WDR70: variants seen among roughly 807,000 people sequenced by gnomAD.
WDR70 encodes the protein WD repeat domain 70, also known as WD repeat-containing protein 70.
In WDR70, 53 loss-of-function variants were observed where a neutral mutation model predicts 88.6. The observed-to-expected ratio is 0.60, with a 90% CI of 0.48 to 0.75. The LOEUF is 0.75. Ranked by LOEUF, WDR70 falls within the 30% of genes least tolerant of loss-of-function variation. WDR70 has a pLI of 0.00. For missense variants in WDR70, 610 were observed against 823.2 expected, an observed-to-expected ratio of 0.74 and a Z score of 3.17; for synonymous variants, 280 against 270.0, an observed-to-expected ratio of 1.04 and a Z score of -0.36.
chr5:37,539,450 G>A (rs761397114), intron 9 of WDR70, among the ~76,000 whole-genome samples: 1 of 152,174 alleles, frequency 6.6e-6, no homozygotes, highest in Non-Finnish European at 1.5e-5. Flanking sequence ...GTGAGAAAGT[G>A]CCCATCTATC....
rs1218530013 is a variant in WDR70, at chr5:37,634,321, G to GA, written c.1092+29094dup. On this transcript the variant is annotated intron_variant, in intron 10 of 17. Transcript: ENST00000265107. Reference sequence around the variant, plus strand: ...CTCAAAAAAAAAAAAAGAAAAAAAAGAAAAAAAAAAACCTAGTGCATATTT... The same window carrying GA: ...CTCAAAAAAAAAAAAAGAAAAAAAAGAAAAAAAAAAAACCTAGTGCATATTT... 7.6e-3 allele frequency among the ~76,000 whole-genome samples: 1,061 copies of GA among 138,848 alleles called. 13 individuals carry two copies. The highest frequency in any genetic ancestry group is 0.025 in the African/African-American group (961 of 38,064). The allele number at this position is 138,848 out of a possible 152,430, so 91.1% of individuals were successfully genotyped here. A position where few individuals can be genotyped will look rare whatever the true frequency, so the allele number is the denominator to read the frequency against.
At chr5:37,492,378 A>G (rs1740093436) in intron 8 of WDR70, among the ~76,000 whole-genome samples, 2 of 152,310 alleles carry the variant, frequency 1.3e-5, no homozygotes, top group East Asian at 3.9e-4. Flanking sequence ...TGCTACACCC[A>G]AAGCTCTTGT....
chr5:37,627,621 G>A (rs1442893698), intron 10 of WDR70, among the ~76,000 whole-genome samples: 4 of 151,826 alleles, frequency 2.6e-5, no homozygotes, highest in Non-Finnish European at 4.4e-5. Context: ...TTGGTACATC[G>A]TGTTTCTATT....
At chr5:37,599,103 G>A (rs1287988819) in intron 9 of WDR70, among the ~76,000 whole-genome samples, 3 of 152,182 alleles carry the variant, frequency 2.0e-5, no homozygotes, top group Non-Finnish European at 4.4e-5. Flanking sequence ...AGCAACTTGA[G>A]TGATATAAAA....
At chr5:37,464,105 T>A (rs1021389169) in intron 7 of WDR70, among the ~76,000 whole-genome samples, 1 of 152,232 alleles carries the variant, frequency 6.6e-6, no homozygotes, top group Non-Finnish European at 1.5e-5. Flanking sequence ...TCTTAAACTT[T>A]TATATTTTTT....
At chr5:37,651,002 G>A (rs1745393941) in intron 10 of WDR70, among the ~76,000 whole-genome samples, 6 of 147,422 alleles carry the variant, frequency 4.1e-5, no homozygotes. Context: ...TGGGATACAT[G>A]TGCAGAATGT....
intron 9 of WDR70, among the ~76,000 whole-genome samples, chr5:37,526,587 C>G (rs1461390337): frequency 2.0e-5 from 3 of 152,290 alleles, no homozygotes; most frequent in Non-Finnish European, 2.9e-5. Flanking sequence ...CAGGGATGCC[C>G]TCTCTCACCA....
chr5:37,608,080 C>T (rs570571185), intron 10 of WDR70, among the ~76,000 whole-genome samples: 14 of 136,298 alleles, frequency 1.0e-4, no homozygotes, highest in African/African-American at 2.5e-4. Context: ...CTTGCTCTGT[C>T]GCCCAGGCTG....
chr5:37,732,295 TTACTTAGTA>T (rs2112715632), intron 17 of WDR70, among the ~76,000 whole-genome samples: 1 of 152,256 alleles, frequency 6.6e-6, no homozygotes, highest in South Asian at 2.1e-4. Flanking sequence ...GTTTTGTTTT[TTACTTAGTA>T]TACATTGGAA....
chr5:37,745,050 G>C (rs1713561622), intron 17 of WDR70, among the ~76,000 whole-genome samples: 1 of 152,146 alleles, frequency 6.6e-6, no homozygotes, highest in African/African-American at 2.4e-5. Context: ...ACAAAGGGAA[G>C]CCCATCAGAC....
intron 10 of WDR70, among the ~76,000 whole-genome samples, chr5:37,673,289 A>G (rs1023178212): frequency 9.2e-5 from 14 of 152,068 alleles, no homozygotes; most frequent in Non-Finnish European, 2.1e-4. Context: ...CAGTTTCTTT[A>G]TCCAGTCTAC....
intron 17 of WDR70, among the ~76,000 whole-genome samples, chr5:37,732,130 C>G (rs1748162053): frequency 6.6e-6 from 1 of 152,148 alleles, no homozygotes; most frequent in Non-Finnish European, 1.5e-5. Flanking sequence ...TTGAAAGCCT[C>G]TCTTTCACTT....
At chr5:37,413,406 A>G (rs1749584327) in intron 5 of WDR70, among the ~76,000 whole-genome samples, 1 of 152,188 alleles carries the variant, frequency 6.6e-6, no homozygotes, top group Non-Finnish European at 1.5e-5. Flanking sequence ...TTAAAATTTT[A>G]TCTTAAGCTT....
At chr5:37,673,727 C>T (rs1435044643) in intron 10 of WDR70, among the ~76,000 whole-genome samples, 1 of 151,928 alleles carries the variant, frequency 6.6e-6, no homozygotes, top group South Asian at 2.1e-4. Flanking sequence ...GATACTAAGT[C>T]CAGTGTTCAT....
intron 10 of WDR70, among the ~76,000 whole-genome samples, chr5:37,624,808 G>A (rs1278987084): frequency 6.6e-6 from 1 of 152,128 alleles, no homozygotes; most frequent in African/African-American, 2.4e-5. Context: ...GGAAACTCAG[G>A]AGGGTCATCT....
intron 10 of WDR70, among the ~76,000 whole-genome samples, chr5:37,688,389 T>C (rs1733343249): frequency 6.6e-6 from 1 of 152,200 alleles, no homozygotes; most frequent in Non-Finnish European, 1.5e-5. Context: ...ACTCATGAAA[T>C]GATAGGTCTT....
At chr5:37,482,457 A>G (rs540490942) in intron 8 of WDR70, among the ~76,000 whole-genome samples, 3 of 152,090 alleles carry the variant, frequency 2.0e-5, no homozygotes, top group African/African-American at 4.8e-5. Context: ...GTGCAGGGGA[A>G]CTCCCATTTA....
chr5:37,600,352 C>T (rs1384579499), intron 9 of WDR70, among the ~76,000 whole-genome samples: 1 of 151,718 alleles, frequency 6.6e-6, no homozygotes, highest in Non-Finnish European at 1.5e-5. Flanking sequence ...ACGGTGAAAC[C>T]CCATCTCTAC....
intron 9 of WDR70, among the ~76,000 whole-genome samples, chr5:37,564,701 A>G (rs1742685186): frequency 6.6e-6 from 1 of 152,154 alleles, no homozygotes; most frequent in South Asian, 2.1e-4. Flanking sequence ...AAAAATTTTT[A>G]CTTCCTTTCC....
Sources: allele counts gnomAD v4.1 joint callset (sites outside exome capture counted in the v4.1 genomes callset), GRCh38; gene constraint gnomAD v4.1.1; transcripts MANE v1.5; gene names NCBI Gene and HGNC (gene_info 2026-07-23, HGNC 2026-07-21).